The following KCNIP1 variants were observed in gnomAD, a reference collection of about 807,000 sequenced individuals.
The protein encoded by KCNIP1 is A-type potassium channel modulatory protein KCNIP1.
In KCNIP1, 18 loss-of-function variants were observed where a neutral mutation model predicts 33.0. The ratio of observed to expected loss-of-function variants is 0.55; its 90% CI spans 0.38 to 0.81. The LOEUF (loss-of-function observed/expected upper bound fraction) is 0.81, where lower values mean the gene tolerates loss of function less well. Ranked by LOEUF, KCNIP1 falls within the 30% of genes least tolerant of loss-of-function variation. The pLI is 0.00. For synonymous variants in KCNIP1, 93 were observed against 98.3 expected (o/e 0.95, Z 0.32); for missense variants, 238 against 271.6 (o/e 0.88, Z 0.87).
intron 1 of KCNIP1, chr5:170,669,381 A>T (rs888430667): frequency 8.8e-6 from 2 of 228,336 alleles, no homozygotes; most frequent in Admixed American, 6.5e-5. Context: ...TAATGTATAC[A>T]CTACTACTCA....
At chr5:170,474,899 A>G (rs1581225410) in intron 1 of KCNIP1, among the ~76,000 whole-genome samples, 1 of 152,216 alleles carries the variant, frequency 6.6e-6, no homozygotes, top group African/African-American at 2.4e-5. Context: ...ACCGCGTAGA[A>G]GGGGACCCCA....
At chr5:170,633,747 G>A (rs1760171486) in intron 1 of KCNIP1, among the ~76,000 whole-genome samples, 1 of 89,064 alleles carries the variant, frequency 1.1e-5, no homozygotes, top group East Asian at 4.8e-4. Flanking sequence ...GGGGGGGGCG[G>A]GGGGCGGGGC....
intron 1 of KCNIP1, among the ~76,000 whole-genome samples, chr5:170,541,454 C>A (rs1756207774): frequency 6.6e-6 from 1 of 152,228 alleles, no homozygotes; most frequent in Non-Finnish European, 1.5e-5. Context: ...ATCCCACTGA[C>A]AGGGATTTAT....
chr5:170,432,409 TA>T (rs1361626846), intron 1 of KCNIP1, among the ~76,000 whole-genome samples: 2 of 152,218 alleles, frequency 1.3e-5, no homozygotes, highest in African/African-American at 4.8e-5. Flanking sequence ...AATTAATATT[TA>T]TTGAGCAAAT....
intron 1 of KCNIP1, among the ~76,000 whole-genome samples, chr5:170,585,974 G>A (rs1032298106): frequency 2.8e-4 from 43 of 152,160 alleles, no homozygotes; most frequent in African/African-American, 9.9e-4. Flanking sequence ...GAGCGTAGTG[G>A]TTGATCGCAC....
chr5:170,418,983 T>C (rs1394250781), intron 1 of KCNIP1, among the ~76,000 whole-genome samples: 1 of 152,260 alleles, frequency 6.6e-6, no homozygotes, highest in African/African-American at 2.4e-5. Flanking sequence ...GACGATATTT[T>C]CTTTGAGGGC....
At chr5:170,653,204 C>G (rs1008091777) in intron 1 of KCNIP1, among the ~76,000 whole-genome samples, 3 of 152,170 alleles carry the variant, frequency 2.0e-5, no homozygotes, top group Non-Finnish European at 4.4e-5. Flanking sequence ...TGGCATCTGT[C>G]AGAGTTGCTG....
rs1581439220 is a variant in KCNIP1 at position 170,644,686 on chromosome 5, C to T, written c.62-74072C>T. On this transcript the variant is annotated intron_variant, in intron 1 of 7. Coordinates refer to ENST00000328939, the MANE Select transcript of KCNIP1 (RefSeq NM_014592.4). ...TGGAAGGACCTTGAAACAAATGGGCCATCAGCAGGGGACACTGGCTGGAAG... is the reference window on the plus strand; with the variant it reads ...TGGAAGGACCTTGAAACAAATGGGCTATCAGCAGGGGACACTGGCTGGAAG... 2.0e-5 allele frequency among the ~76,000 whole-genome samples: 3 copies of T among 152,354 alleles called. 1 individual carries two copies. The highest frequency in any genetic ancestry group is 2.0e-4 in the Admixed American group (3 of 15,308).
At chr5:170,533,372 C>T (rs552948402) in intron 1 of KCNIP1, among the ~76,000 whole-genome samples, 35 of 152,320 alleles carry the variant, frequency 2.3e-4, no homozygotes, top group Non-Finnish European at 4.1e-4. Context: ...GTTGCGCTAT[C>T]CTGCAATCCT....
At chr5:170,525,381 A>G (rs1755530098) in intron 1 of KCNIP1, among the ~76,000 whole-genome samples, 1 of 152,224 alleles carries the variant, frequency 6.6e-6, no homozygotes, top group Non-Finnish European at 1.5e-5. Flanking sequence ...TGGATAAGCG[A>G]TAGAATCTGC....
intron 1 of KCNIP1, among the ~76,000 whole-genome samples, chr5:170,451,937 A>C (rs1262178427): frequency 1.3e-5 from 2 of 152,096 alleles, no homozygotes; most frequent in Non-Finnish European, 2.9e-5. Context: ...GACACTCTCT[A>C]TCCCAGGAGC....
intron 1 of KCNIP1, among the ~76,000 whole-genome samples, chr5:170,706,059 C>G (rs1044571507): frequency 6.6e-6 from 1 of 152,152 alleles, no homozygotes; most frequent in Non-Finnish European, 1.5e-5. Flanking sequence ...TATTACCATG[C>G]TCTCTGAGCT....
chr5:170,484,821 C>T (rs180758762), intron 1 of KCNIP1, among the ~76,000 whole-genome samples: 179 of 152,108 alleles, frequency 1.2e-3, no homozygotes, highest in Admixed American at 2.9e-3. Flanking sequence ...TTCTTCCTTC[C>T]GTGTCTCTGG....
At chr5:170,477,260 T>G (rs529658321) in intron 1 of KCNIP1, among the ~76,000 whole-genome samples, 1 of 151,900 alleles carries the variant, frequency 6.6e-6, no homozygotes, top group East Asian at 1.9e-4. Flanking sequence ...AAAGTATATG[T>G]TACTTGGACC....
chr5:170,557,131 T>C (rs1239225275), intron 1 of KCNIP1, among the ~76,000 whole-genome samples: 3 of 152,162 alleles, frequency 2.0e-5, no homozygotes, highest in African/African-American at 4.8e-5. Flanking sequence ...TGTGTGGCCT[T>C]GGCAAAGTGA....
At chr5:170,457,911 G>A (rs1273978404) in intron 1 of KCNIP1, among the ~76,000 whole-genome samples, 1 of 152,192 alleles carries the variant, frequency 6.6e-6, no homozygotes, top group Non-Finnish European at 1.5e-5. Flanking sequence ...AGGCACCAGT[G>A]AAAGGCAAAG....
At chr5:170,560,835 T>A (rs1295742772) in intron 1 of KCNIP1, among the ~76,000 whole-genome samples, 1 of 152,132 alleles carries the variant, frequency 6.6e-6, no homozygotes, top group Non-Finnish European at 1.5e-5. Flanking sequence ...CCGCCCCAGA[T>A]GCTCTTCTCT....
intron 5 of KCNIP1, among the ~76,000 whole-genome samples, chr5:170,725,105 T>C (rs1763964176): frequency 6.6e-6 from 1 of 152,182 alleles, no homozygotes; most frequent in African/African-American, 2.4e-5. Context: ...TATAGATCAA[T>C]GGATCAAAAT....
At chr5:170,636,764 A>G (rs1280246430) in intron 1 of KCNIP1, among the ~76,000 whole-genome samples, 1 of 152,160 alleles carries the variant, frequency 6.6e-6, no homozygotes, top group Non-Finnish European at 1.5e-5. Context: ...GAGAGCAAGC[A>G]TTTACTGAGC....
Sources: allele counts gnomAD v4.1 joint callset (sites outside exome capture counted in the v4.1 genomes callset), GRCh38; gene constraint gnomAD v4.1.1; transcripts MANE v1.5; gene names NCBI Gene and HGNC (gene_info 2026-07-23, HGNC 2026-07-21).